The following B4GALT2 variants were observed in gnomAD, a reference collection of about 807,000 sequenced individuals.
B4GALT2 encodes the protein N-acetyllactosamine synthase.
B4GALT2 carries 18 observed loss-of-function variants against 33.2 expected under a neutral mutation model. The ratio of observed to expected loss-of-function variants is 0.54; its 90% CI spans 0.38 to 0.80. The LOEUF is 0.80. Ranked by LOEUF, B4GALT2 falls within the 30% of genes least tolerant of loss-of-function variation. The pLI is 0.00. For missense variants in B4GALT2, 404 were observed against 526.2 expected (o/e 0.77, Z 2.27); for synonymous variants, 214 against 217.6 (o/e 0.98, Z 0.15).
Position 43,981,915 on chromosome 1 carries a change from C to T in B4GALT2, c.540C>T (p.Val180=), listed in dbSNP as rs1185774374. ...AGCGGCTGCGCTACGGCGTCTATGT[C>T]ATCAACCAGGTGCCCATGCGGGGGT... ...RRQRLRYGVY[V]INQHGEDTFN... is the part of the protein sequence containing the mutation. Residue 180 remains valine, a synonymous_variant, in exon 3 of 7, where the codon GTC becomes GTT. Coordinates refer to ENST00000372324, the MANE Select transcript of B4GALT2 (RefSeq NM_003780.5). The surrounding 1 kb of genome is among the most constrained non-coding windows in gnomAD (Gnocchi z 8.1). 10 of 1,613,532 alleles carry T rather than the reference C, an allele frequency of 6.2e-6. No individual in the cohort carries two copies. Among genetic ancestry groups the T allele is most frequent in the Non-Finnish European group, 8.5e-6 (10 of 1,179,910 alleles).
rs768241415 is a variant in B4GALT2 at position 43,981,734 on chromosome 1, G to A, written c.359G>A (p.Arg120Gln). 8 of 1,613,190 alleles carry A rather than the reference G, an allele frequency of 5.0e-6. No individual in the cohort carries two copies. Among genetic ancestry groups the A allele is most frequent in the South Asian group, 1.1e-5 (1 of 91,072 alleles). Residue 120 changes from arginine (R) to glutamine (Q), a missense_variant, in exon 3 of 7, where the codon CGG becomes CAG. Physicochemically the swap from Arg to Gln is conservative, Grantham distance 43. Transcript: ENST00000372324. This position sits in a 1 kb window ranked among gnomAD's most constrained non-coding sequence, Gnocchi z 8.1. ...IEFTSPMPLERVQRENPGVLM... is the reference protein window; with the variant it reads ...IEFTSPMPLEQVQRENPGVLM... ...TTCACCTCACCCATGCCCCTGGAGC[G>A]GGTGCAGAGGGAGAACCCAGGCGTG...
In B4GALT2 at chr1:43,981,146, G is replaced by T. The variant is rs756580465; in HGVS notation, c.-15G>T. On this transcript the variant is annotated 5_prime_UTR_variant, in exon 2 of 7. Transcript: ENST00000372324. This position sits in a 1 kb window ranked among gnomAD's most constrained non-coding sequence, Gnocchi z 8.1. ...ATGCCCGGGCCCACTGGGCGGGCCAGTGGCCGCCTGCGGGATGAGCAGACT... is the reference window on the plus strand; with the variant it reads ...ATGCCCGGGCCCACTGGGCGGGCCATTGGCCGCCTGCGGGATGAGCAGACT... 2 of 1,597,422 alleles carry T rather than the reference G, an allele frequency of 1.3e-6. No homozygotes were observed. Among genetic ancestry groups the T allele is most frequent in the South Asian group, 2.2e-5 (2 of 90,982 alleles).
Position 43,981,635 on chromosome 1 carries a change from G to T in B4GALT2, c.314-54G>T, listed in dbSNP as rs2085597967. Reference sequence around the variant, plus strand: ...CACCCCCAGGCTGAGGGTGGGGGCTGGTATCTGTGGATTCTGGCCAATGCC... The same window carrying T: ...CACCCCCAGGCTGAGGGTGGGGGCTTGTATCTGTGGATTCTGGCCAATGCC... On this transcript the variant is annotated intron_variant, in intron 2 of 6. Transcript: ENST00000372324. The surrounding 1 kb of genome is among the most constrained non-coding windows in gnomAD (Gnocchi z 8.1). 3.2e-6 allele frequency: 5 copies of T among 1,559,640 alleles called. No homozygotes were observed. Among genetic ancestry groups the T allele is most frequent in the South Asian group, 1.2e-5 (1 of 82,742 alleles).
rs150178452 is a variant in B4GALT2, at chr1:43,981,907, G to A, written c.532G>A (p.Val178Ile). The change falls in exon 3 of 7, where the codon GTC (valine) becomes ATC (isoleucine). Residue 178 changes from valine (V) to isoleucine (I), a missense_variant. Val to Ile is a conservative substitution (Grantham distance 29). Transcript: ENST00000372324. This position sits in a 1 kb window ranked among gnomAD's most constrained non-coding sequence, Gnocchi z 8.1. The stretch of plus-strand genomic sequence containing the variant: ...GAGGCGGCAGCGGCTGCGCTACGGC[G>A]TCTATGTCATCAACCAGGTGCCCAT... ...ILRRQRLRYG[V>I]YVINQHGEDT... 1,744 of 1,613,760 alleles carry A rather than the reference G, an allele frequency of 1.1e-3. 16 individuals carry two copies. The highest frequency in any genetic ancestry group is 0.011 in the Middle Eastern group (64 of 6,060).
rs1480605546 is a variant in B4GALT2 at position 43,981,357 on chromosome 1, A to G, written c.197A>G (p.Asn66Ser). The G allele has an allele frequency of 3.1e-6, 5 of 1,599,472 alleles. No homozygotes were observed. In the Admixed American group the frequency reaches 5.0e-5, roughly 16 times the overall value. ...GCTAGCAGCAGCAGCAGCAGCAGCA[A>G]CTGCTCCCGGCCCAACGCCACCGCC... Reference protein sequence around the residue: ...PAASSSSSSSNCSRPNATASS... With the variant: ...PAASSSSSSSSCSRPNATASS... The change falls in exon 2 of 7, where the codon AAC (asparagine) becomes AGC (serine). Residue 66 changes from asparagine to serine, a missense_variant. Asn to Ser is a conservative substitution (Grantham distance 46, BLOSUM62 1). Transcript: ENST00000372324. The surrounding 1 kb of genome is among the most constrained non-coding windows in gnomAD (Gnocchi z 8.1).
intron 1 of B4GALT2, chr1:43,980,106 G>A (rs1235638275): frequency 7.1e-7 from 1 of 1,413,234 alleles, no homozygotes; most frequent in Admixed American, 2.6e-5. Flanking sequence ...GTAGTTCTCT[G>A]TGTGTCTGAG....
rs1428813882 is a variant in B4GALT2, at chr1:43,981,759, G to A, written c.384G>A (p.Val128=). 6.2e-7 allele frequency: 1 copy of A among 1,613,536 alleles called. No individual in the cohort carries two copies. Among genetic ancestry groups the A allele is most frequent in the Non-Finnish European group, 8.5e-7 (1 of 1,180,010 alleles). ...GGGTGCAGAGGGAGAACCCAGGCGTGCTCATGGGCGGCCGATACACACCGC... is the reference window on the plus strand; with the variant it reads ...GGGTGCAGAGGGAGAACCCAGGCGTACTCATGGGCGGCCGATACACACCGC... ...LERVQRENPG[V]LMGGRYTPPD... The change falls in exon 3 of 7, where the codon GTG becomes GTA. Residue 128 remains valine (V), a synonymous_variant. Coordinates refer to ENST00000372324, the MANE Select transcript of B4GALT2 (RefSeq NM_003780.5). This position sits in a 1 kb window ranked among gnomAD's most constrained non-coding sequence, Gnocchi z 8.1.
intron 3 of B4GALT2, among the ~76,000 whole-genome samples, chr1:43,983,854 G>A (rs1325656736): frequency 6.6e-6 from 1 of 152,140 alleles, no homozygotes. Flanking sequence ...GAAGAGAGCT[G>A]GCAGGGCTGG....
In B4GALT2 at chr1:43,989,168, G is replaced by A. The variant is rs976321179; in HGVS notation, c.969-1130G>A. Among the ~76,000 whole-genome samples, 5 of 152,008 alleles carry A rather than the reference G, an allele frequency of 3.3e-5. No homozygotes were observed. The East Asian group carries it at 5.8e-4, about 18-fold the overall frequency. On this transcript the variant is annotated intron_variant, in intron 6 of 6. Transcript: ENST00000372324. ...TCGAGACCAGCCTGACCAACATGGT[G>A]AAACCCCATCTCTACTAAAAATACA... is the stretch of plus-strand genomic sequence containing the variant.
At chr1:43,980,429 C>G in intron 1 of B4GALT2, 6 of 550,662 alleles carry the variant, frequency 1.1e-5, no homozygotes, top group Non-Finnish European at 1.4e-5. Context: ...ACGTTTTGCT[C>G]CAGTGGGAAG....
In B4GALT2 at chr1:43,985,640, C is replaced by T; in HGVS notation, c.968+19C>T. 1.2e-6 allele frequency: 2 copies of T among 1,610,226 alleles called. No individual in the cohort carries two copies. Among genetic ancestry groups the T allele is most frequent in the Non-Finnish European group, 1.7e-6 (2 of 1,176,686 alleles). ...CTCAGAGGTGACCCCAGCACCCTCA[C>T]CCCTTACTCCCCAGAGGCAACTTCC... On this transcript the variant is annotated intron_variant, in intron 6 of 6. Transcript: ENST00000372324.
intron 6 of B4GALT2, among the ~76,000 whole-genome samples, chr1:43,986,656 C>T (rs558888344): frequency 6.6e-6 from 1 of 152,192 alleles, no homozygotes; most frequent in Non-Finnish European, 1.5e-5. Context: ...GGTTTTTCTT[C>T]TGTTGCCCTT....
Position 43,984,719 on chromosome 1 carries a change from G to C in B4GALT2, c.550-146G>C. ...GGCCTTTGTAGGCCAGATCCCGGTC[G>C]AGAAGCTGGACTAGATCCTGAGAGC... On this transcript the variant is annotated intron_variant, in intron 3 of 6. Coordinates refer to ENST00000372324, the MANE Select transcript of B4GALT2 (RefSeq NM_003780.5). The surrounding 1 kb of genome is among the most constrained non-coding windows in gnomAD (Gnocchi z 5.6). 1.2e-6 allele frequency: 1 copy of C among 850,096 alleles called. No individual in the cohort carries two copies. The highest frequency in any genetic ancestry group is 1.8e-5 in the South Asian group (1 of 55,328). The allele number at this position is 850,096 out of a possible 1,614,324, so 52.7% of individuals were successfully genotyped here. A position where few individuals can be genotyped will look rare whatever the true frequency, so the allele number is the denominator to read the frequency against.
rs2085724496 is a variant in B4GALT2, at chr1:43,990,804, C to A, written c.*356C>A. On this transcript the variant is annotated 3_prime_UTR_variant, in exon 7 of 7. Coordinates refer to ENST00000372324, the MANE Select transcript of B4GALT2 (RefSeq NM_003780.5). ...GTGCCTCAGTTTCCCCCCCTTGAGT[C>A]CCCTAGGGCCTGGAAGGGTGGGAGG... 2 of 282,952 alleles carry A rather than the reference C, an allele frequency of 7.1e-6. No homozygotes were observed. The highest frequency in any genetic ancestry group is 1.4e-5 in the Non-Finnish European group (2 of 145,286). The allele number at this position is 282,952 out of a possible 1,614,324, so 17.5% of individuals were successfully genotyped here.
chr1:43,979,735 G>T lies in B4GALT2; in HGVS notation c.-53+224G>T. On this transcript the variant is annotated intron_variant, in intron 1 of 6. Transcript: ENST00000372324. The surrounding 1 kb of genome is among the most constrained non-coding windows in gnomAD (Gnocchi z 4.8). ...CCGGCCTCCCTCATTGTCCTCGCTC[G>T]CCCCGGCCTCGTGGCGCGGGGAGGC... is the stretch of plus-strand genomic sequence containing the variant. 2.7e-6 allele frequency: 1 copy of T among 368,792 alleles called. No individual in the cohort carries two copies. Among genetic ancestry groups the T allele is most frequent in the Non-Finnish European group, 5.0e-6 (1 of 200,418 alleles). 22.8% of individuals were successfully genotyped at this position (368,792 alleles called of 1,614,324 possible).
chr1:43,979,687 T>A lies in B4GALT2; in HGVS notation c.-53+176T>A. The stretch of plus-strand genomic sequence containing the variant: ...CCCGCCCCCACTCCGGCGCCCCTCC[T>A]GGGCTTCTCCGCCCGCGTCCAGCCG... On this transcript the variant is annotated intron_variant, in intron 1 of 6. Coordinates refer to ENST00000372324, the MANE Select transcript of B4GALT2 (RefSeq NM_003780.5). The surrounding 1 kb of genome is among the most constrained non-coding windows in gnomAD (Gnocchi z 4.8). 4.1e-6 allele frequency: 1 copy of A among 244,152 alleles called. No homozygotes were observed. The allele number at this position is 244,152 out of a possible 1,614,324, so 15.1% of individuals were successfully genotyped here.
Position 43,979,960 on chromosome 1 carries a change from T to TG in B4GALT2, c.-53+452dup, listed in dbSNP as rs2085576312. Reference sequence around the variant, plus strand: ...CAGAACCCCTGCGCCGGAGGGAGGGTGGGAATGTCTGCACGTGGGTCTGGG... The same window carrying TG: ...CAGAACCCCTGCGCCGGAGGGAGGGTGGGGAATGTCTGCACGTGGGTCTGGG... On this transcript the variant is annotated intron_variant, in intron 1 of 6. Coordinates refer to ENST00000372324, the MANE Select transcript of B4GALT2 (RefSeq NM_003780.5). This position sits in a 1 kb window ranked among gnomAD's most constrained non-coding sequence, Gnocchi z 4.8. 7.2e-6 allele frequency: 11 copies of TG among 1,524,166 alleles called. No homozygotes were observed. The highest frequency in any genetic ancestry group is 6.1e-6 in the Non-Finnish European group (7 of 1,140,642). The allele number at this position is 1,524,166 out of a possible 1,614,324, so 94.4% of individuals were successfully genotyped here. A position where few individuals can be genotyped will look rare whatever the true frequency, so the allele number is the denominator to read the frequency against.
Position 43,979,981 on chromosome 1 carries a change from C to T in B4GALT2, c.-53+470C>T. 1 of 1,527,938 alleles carries T rather than the reference C, an allele frequency of 6.5e-7. No individual in the cohort carries two copies. The highest frequency in any genetic ancestry group is 8.7e-7 in the Non-Finnish European group (1 of 1,142,928). 94.6% of individuals were successfully genotyped at this position (1,527,938 alleles called of 1,614,324 possible). A position where few individuals can be genotyped will look rare whatever the true frequency, so the allele number is the denominator to read the frequency against. On this transcript the variant is annotated intron_variant, in intron 1 of 6. Coordinates refer to ENST00000372324, the MANE Select transcript of B4GALT2 (RefSeq NM_003780.5). This position sits in a 1 kb window ranked among gnomAD's most constrained non-coding sequence, Gnocchi z 4.8. Reference sequence around the variant, plus strand: ...AGGGTGGGAATGTCTGCACGTGGGTCTGGGTGTGAGCTGTCTGAGAGTCTG... The same window carrying T: ...AGGGTGGGAATGTCTGCACGTGGGTTTGGGTGTGAGCTGTCTGAGAGTCTG...
chr1:43,990,287 A>G lies in B4GALT2; in HGVS notation c.969-11A>G. ...GTTAGCCCTGATGTGGACCATTTCC[A>G]TCCTATCTAGGTTTACCAAGATTCA... On this transcript the variant is annotated splice_polypyrimidine_tract_variant and intron_variant, in intron 6 of 6. Coordinates refer to ENST00000372324, the MANE Select transcript of B4GALT2 (RefSeq NM_003780.5). 2 of 1,613,932 alleles carry G rather than the reference A, an allele frequency of 1.2e-6. No homozygotes were observed. The highest frequency in any genetic ancestry group is 1.7e-6 in the Non-Finnish European group (2 of 1,179,880).
Sources: allele counts gnomAD v4.1 joint callset (sites outside exome capture counted in the v4.1 genomes callset), GRCh38; gene constraint gnomAD v4.1.1; non-coding constraint Gnocchi (gnomAD v3.1); transcripts MANE v1.5; gene names NCBI Gene and HGNC (gene_info 2026-07-23, HGNC 2026-07-21).